CDC14B: variants seen among roughly 807,000 people sequenced by gnomAD.
The protein encoded by CDC14B is dual specificity protein phosphatase CDC14B.
Under a neutral mutation model 64.2 loss-of-function variants are expected in CDC14B, and 22 were observed. The observed-to-expected ratio is 0.34, with a 90% CI of 0.24 to 0.49. CDC14B has a LOEUF of 0.49. CDC14B is among the 20% of genes least tolerant of loss of function. The pLI is 0.99. For synonymous variants in CDC14B, 191 were observed against 215.8 expected (o/e 0.89, Z 1.01); for missense variants, 498 against 629.9 (o/e 0.79, Z 2.24).
downstream of CDC14B, chr9:96,496,067 G>T: frequency 2.9e-6 from 1 of 344,476 alleles, no homozygotes; most frequent in Non-Finnish European, 5.8e-6. Flanking sequence ...GCACTGCCCT[G>T]CTGCGCCTGG....
At chr9:96,608,892 GACACACACACACACAC>G (rs59953256) in intron 1 of CDC14B, among the ~76,000 whole-genome samples, 2 of 144,566 alleles carry the variant, frequency 1.4e-5, no homozygotes, top group African/African-American at 2.6e-5. Flanking sequence ...TTAAAACACA[GACACACACACACACAC>G]ACACACACAC....
At chr9:96,549,664 A>C (rs542776204) in intron 5 of CDC14B, among the ~76,000 whole-genome samples, 2 of 146,822 alleles carry the variant, frequency 1.4e-5, no homozygotes, top group South Asian at 2.1e-4. Context: ...ACTCCGTCTA[A>C]AAAAAAAAAA....
At chr9:96,579,054 G>A (rs1281705107) in intron 1 of CDC14B, among the ~76,000 whole-genome samples, 1 of 152,048 alleles carries the variant, frequency 6.6e-6, no homozygotes, top group Admixed American at 6.5e-5. Context: ...TTGACTTCAG[G>A]TGATCCTCCC....
chr9:96,536,329 T>C (rs1227145473), intron 7 of CDC14B, among the ~76,000 whole-genome samples: 3 of 152,232 alleles, frequency 2.0e-5, no homozygotes, highest in Non-Finnish European at 4.4e-5. Context: ...TATTCATTAA[T>C]AGCACACAAA....
rs749243921 is a variant in CDC14B at position 96,523,776 on chromosome 9, G to A, written c.947-51C>T. On this transcript the variant is annotated intron_variant, in intron 9 of 13. Transcript: ENST00000375241. ...TGAAACTTGGGCTGATGTACTCCAG[G>A]ATTTTGTTGGGCAGGCAGAATTTTT... The A allele has an allele frequency of 3.2e-6, 5 of 1,583,606 alleles. No individual in the cohort carries two copies. The African/African-American group carries it at 5.4e-5, about 17-fold the overall frequency.
At chr9:96,601,749 G>A (rs1454503083) in intron 1 of CDC14B, among the ~76,000 whole-genome samples, 12 of 146,000 alleles carry the variant, frequency 8.2e-5, no homozygotes, top group East Asian at 2.0e-4. Context: ...AGCTGAGGGC[G>A]CACCACTGCA....
At chr9:96,561,925 C>T (rs1843265748) in intron 4 of CDC14B, among the ~76,000 whole-genome samples, 1 of 152,200 alleles carries the variant, frequency 6.6e-6, no homozygotes, top group Admixed American at 6.5e-5. Context: ...GGGGGTAGTA[C>T]TCTGGAGGAG....
intron 1 of CDC14B, among the ~76,000 whole-genome samples, chr9:96,575,077 T>A (rs1486178389): frequency 6.6e-6 from 1 of 152,222 alleles, no homozygotes; most frequent in Non-Finnish European, 1.5e-5. Flanking sequence ...TGATGTGATT[T>A]ACAACGGATG....
intron 4 of CDC14B, among the ~76,000 whole-genome samples, chr9:96,558,396 C>T (rs1842759132): frequency 6.6e-6 from 1 of 152,192 alleles, no homozygotes; most frequent in Non-Finnish European, 1.5e-5. Context: ...ATGTATAAAA[C>T]TATCACATGT....
chr9:96,552,918 A>G (rs1403834648), intron 4 of CDC14B, among the ~76,000 whole-genome samples: 6 of 152,200 alleles, frequency 3.9e-5, no homozygotes, highest in African/African-American at 7.2e-5. Context: ...TTTAAATTTC[A>G]CTAATAAAAA....
intron 12 of CDC14B, among the ~76,000 whole-genome samples, chr9:96,512,030 A>G (rs894997812): frequency 1.3e-5 from 2 of 152,052 alleles, no homozygotes; most frequent in Non-Finnish European, 2.9e-5. Flanking sequence ...CAAATTCTAA[A>G]ATATAGTGAG....
intron 12 of CDC14B, among the ~76,000 whole-genome samples, chr9:96,510,006 C>G (rs1834700649): frequency 6.6e-6 from 1 of 152,138 alleles, no homozygotes; most frequent in Non-Finnish European, 1.5e-5. Flanking sequence ...CAAAGACAAC[C>G]AGAGGGCTTT....
At chr9:96,618,664 C>A in intron 1 of CDC14B, 1 of 518,522 alleles carries the variant, frequency 1.9e-6, no homozygotes, top group Non-Finnish European at 3.9e-6. Context: ...CGCGGGAGGC[C>A]CAGGAGAGGG....
intron 12 of CDC14B, among the ~76,000 whole-genome samples, chr9:96,519,821 G>A (rs1836399882): frequency 6.6e-6 from 1 of 150,488 alleles, no homozygotes; most frequent in South Asian, 2.1e-4. Context: ...TAGTACTTGT[G>A]TATTTCTCAC....
chr9:96,584,314 A>G (rs933448398), intron 1 of CDC14B, among the ~76,000 whole-genome samples: 3 of 152,160 alleles, frequency 2.0e-5, no homozygotes, highest in Non-Finnish European at 4.4e-5. Flanking sequence ...TTGTGACTGT[A>G]ACCTATCAAA....
rs1177568232 is a variant in CDC14B at position 96,577,365 on chromosome 9, A to C, written c.161-11882T>G. On this transcript the variant is annotated intron_variant, in intron 1 of 13. Coordinates refer to ENST00000375241, the MANE Select transcript of CDC14B (RefSeq NM_033331.4). ...ACTTGCAATAATGGGACATTAAAAG[A>C]AAACTCAACATAAATTAATGTCAGT... Among the ~76,000 whole-genome samples the C allele has an allele frequency of 2.0e-5, 3 of 152,242 alleles. No homozygotes were observed. In the East Asian group the frequency reaches 5.8e-4, roughly 29 times the overall value.
chr9:96,539,348 G>A (rs1030697164), intron 6 of CDC14B, among the ~76,000 whole-genome samples: 10 of 152,256 alleles, frequency 6.6e-5, no homozygotes, highest in African/African-American at 2.4e-4. Flanking sequence ...TATGTAATAA[G>A]TTTGTTGTGT....
chr9:96,610,762 C>A (rs1210377319), intron 1 of CDC14B, among the ~76,000 whole-genome samples: 1 of 151,888 alleles, frequency 6.6e-6, no homozygotes, highest in East Asian at 1.9e-4. Flanking sequence ...CTGAATATTA[C>A]CAAAAAATAT....
intron 5 of CDC14B, among the ~76,000 whole-genome samples, chr9:96,548,405 T>C (rs1325513015): frequency 6.6e-6 from 1 of 152,146 alleles, no homozygotes; most frequent in Non-Finnish European, 1.5e-5. Context: ...AAAATTAAAC[T>C]ATATTTTATA....
Sources: gnomAD v4.1 joint callset for allele counts (sites outside exome capture counted in the v4.1 genomes callset) on GRCh38, gnomAD v4.1.1 for gene constraint, MANE v1.5 for transcripts, NCBI Gene and HGNC (gene_info 2026-07-23, HGNC 2026-07-21) for gene names.